Variants in FBXW2 observed in about 807,000 individuals in gnomAD.
FBXW2 encodes F-box and WD repeat domain containing 2.
FBXW2 carries 12 observed loss-of-function variants against 46.0 expected under a neutral mutation model. The observed-to-expected ratio is 0.26, with a 90% confidence interval of 0.17 to 0.42. The LOEUF (loss-of-function observed/expected upper bound fraction) is 0.42. Among genes scored for constraint, FBXW2 ranks in the 10% least tolerant of loss-of-function variants. The pLI, the probability that FBXW2 is intolerant of heterozygous loss-of-function variation, is 1.00. For missense variants in FBXW2, 360 were observed against 537.0 expected (o/e 0.67, Z 3.26); for synonymous variants, 203 against 209.6 (o/e 0.97, Z 0.27).
chr9:120,782,094 G>A (rs767935478), intron 3 of FBXW2, among the ~76,000 whole-genome samples: 5 of 151,576 alleles, frequency 3.3e-5, no homozygotes, highest in Non-Finnish European at 7.4e-5. Context: ...ATCATGCTAA[G>A]TGAACTAAGC....
intron 7 of FBXW2, among the ~76,000 whole-genome samples, chr9:120,770,056 G>A (rs1459160618): frequency 6.6e-6 from 1 of 152,140 alleles, no homozygotes; most frequent in Non-Finnish European, 1.5e-5. Flanking sequence ...AGATCCACAC[G>A]AGCTGACCTC....
Position 120,787,818 on chromosome 9 carries a change from G to A in FBXW2, c.441C>T (p.His147=). The A allele has an allele frequency of 6.2e-7, 1 of 1,614,172 alleles. No individual in the cohort carries two copies. The highest frequency in any genetic ancestry group is 8.5e-7 in the Non-Finnish European group (1 of 1,180,014). Residue 147 remains histidine, a synonymous_variant, in exon 3 of 8, where the codon CAC becomes CAT. Transcript: ENST00000608872. ...EAFETSSLIG[H]SARVYALYYK... ...AGTAAAGTGCATACACTCTGGCACTGTGTCCAATTAATGACGAGGTTTCAA... is the reference window on the plus strand; with the variant it reads ...AGTAAAGTGCATACACTCTGGCACTATGTCCAATTAATGACGAGGTTTCAA...
intron 2 of FBXW2, chr9:120,792,801 G>A (rs1367872243): frequency 1.7e-6 from 2 of 1,156,032 alleles, no homozygotes; most frequent in Non-Finnish European, 2.3e-6. Context: ...CACGCTGTAA[G>A]CCTACAGTAA....
At chr9:120,785,561 T>A (rs2044702209) in intron 3 of FBXW2, among the ~76,000 whole-genome samples, 2 of 152,168 alleles carry the variant, frequency 1.3e-5, no homozygotes, top group Admixed American at 1.3e-4. Context: ...CACCACATAA[T>A]ACATACCCTT....
At chr9:120,790,490 GA>G (rs938317108) in intron 2 of FBXW2, among the ~76,000 whole-genome samples, 1 of 150,622 alleles carries the variant, frequency 6.6e-6, no homozygotes, top group Non-Finnish European at 1.5e-5. Context: ...TCTCAAAAAA[GA>G]AAAAAAAGAA....
At chr9:120,786,018 CAAAAAAAAAAAAAAAA>C (rs3047150) in intron 3 of FBXW2, among the ~76,000 whole-genome samples, 2 of 40,548 alleles carry the variant, frequency 4.9e-5, no homozygotes, top group Non-Finnish European at 9.2e-5. Flanking sequence ...GACTCCATCT[CAAAAAAAAAAAAAAAA>C]AAAAAAAAAG....
At position 120,793,374 on chromosome 9, in the gene FBXW2, C is replaced by A. The variant is rs1283033229; in HGVS notation, c.-150G>T. 3 of 400,880 alleles carry A rather than the reference C, an allele frequency of 7.5e-6. No individual in the cohort carries two copies. Among genetic ancestry groups the A allele is most frequent in the Non-Finnish European group, 1.3e-5 (3 of 227,514 alleles). The allele number at this position is 400,880 out of a possible 1,614,324, so 24.8% of individuals were successfully genotyped here. A position where few individuals can be genotyped will look rare whatever the true frequency, so the allele number is the denominator to read the frequency against. The stretch of plus-strand genomic sequence containing the variant: ...CAGACCCGGACCTGCGGCCGCTGCT[C>A]CCGGTCCGCAGCCTCACAGGGGAGC... On this transcript the variant is annotated 5_prime_UTR_variant, in exon 1 of 8. Coordinates refer to ENST00000608872, the MANE Select transcript of FBXW2 (RefSeq NM_012164.4).
intron 2 of FBXW2, among the ~76,000 whole-genome samples, chr9:120,789,661 A>C (rs2044794569): frequency 6.6e-6 from 1 of 152,256 alleles, no homozygotes; most frequent in Non-Finnish European, 1.5e-5. Context: ...TAATGTGAAA[A>C]AGGAAAGTTA....
intron 4 of FBXW2, among the ~76,000 whole-genome samples, chr9:120,777,909 A>C (rs2044532039): frequency 6.6e-6 from 1 of 152,054 alleles, no homozygotes; most frequent in Non-Finnish European, 1.5e-5. Context: ...ATCTGTGTAG[A>C]CCACACAATC....
At chr9:120,776,333 A>T (rs1017052852) in intron 4 of FBXW2, 107 bp from the exon 5 acceptor site, 1 of 1,272,026 alleles carries the variant, frequency 7.9e-7, no homozygotes. Context: ...TCCCAACCAG[A>T]GACACCGTAA....
At chr9:120,776,346 A>G in intron 4 of FBXW2, 120 bp from the exon 5 acceptor site, 1 of 1,132,506 alleles carries the variant, frequency 8.8e-7, no homozygotes, top group Non-Finnish European at 1.2e-6. Flanking sequence ...CACCGTAAGA[A>G]TGATGCTATT....
chr9:120,764,824 G>T lies in FBXW2; in HGVS notation c.1100C>A (p.Ala367Glu). Residue 367 changes from alanine to glutamate, a missense_variant, in exon 8 of 8, where the codon GCA becomes GAA. Ala to Glu is a moderately radical substitution (Grantham distance 107, BLOSUM62 -1). Coordinates refer to ENST00000608872, the MANE Select transcript of FBXW2 (RefSeq NM_012164.4). Reference protein sequence around the residue: ...ILRVIKTPEIANLALLGFGDI... With the variant: ...ILRVIKTPEIENLALLGFGDI... The stretch of plus-strand genomic sequence containing the variant: ...TCCAAAGCCAAGCAAGGCCAAGTTT[G>T]CTATCTCAGGAGTCTTGATGACCCT... 1 of 1,593,296 alleles carries T rather than the reference G, an allele frequency of 6.3e-7. No individual in the cohort carries two copies. The highest frequency in any genetic ancestry group is 1.7e-5 in the Admixed American group (1 of 59,020).
rs1309876959 is a variant in FBXW2, at chr9:120,778,481, C to A, written c.555G>T (p.Gln185His). 27 of 1,614,044 alleles carry A rather than the reference C, an allele frequency of 1.7e-5. No homozygotes were observed. The highest frequency in any genetic ancestry group is 2.1e-5 in the Non-Finnish European group (25 of 1,180,042). Residue 185 changes from glutamine to histidine, a missense_variant, in exon 4 of 8, where the codon CAG (glutamine) becomes CAT (histidine). Gln to His is a conservative substitution (Grantham distance 24). Coordinates refer to ENST00000608872, the MANE Select transcript of FBXW2 (RefSeq NM_012164.4). ...ACTTCACCGCTGCACAAGTGTGGGT[C>A]TGGATGCCATAAACGCACTGCCCTG... Reference protein sequence around the residue: ...VSTGQCVYGIQTHTCAAVKFD... With the variant: ...VSTGQCVYGIHTHTCAAVKFD...
intron 3 of FBXW2, among the ~76,000 whole-genome samples, chr9:120,784,777 G>A (rs1022947941): frequency 3.3e-5 from 5 of 151,676 alleles, no homozygotes; most frequent in South Asian, 2.1e-4. Context: ...AAAATTAGCC[G>A]GGCTGTGGTG....
chr9:120,780,231 G>A (rs367604460), intron 3 of FBXW2, among the ~76,000 whole-genome samples: 6 of 151,732 alleles, frequency 4.0e-5, no homozygotes, highest in East Asian at 1.9e-4. Flanking sequence ...GATGGCGTAC[G>A]CCTGTAGTCC....
At chr9:120,782,282 A>G (rs1390750466) in intron 3 of FBXW2, among the ~76,000 whole-genome samples, 2 of 151,426 alleles carry the variant, frequency 1.3e-5, no homozygotes, top group Non-Finnish European at 2.9e-5. Context: ...CCTGGCCAAC[A>G]CGTTGAAACC....
rs905002542 is a variant in FBXW2 at position 120,793,203 on chromosome 9, A to C, written c.-75T>G. ...CGCGCCGGGTTCACAGCTACTAGGC[A>C]CGCTCGGACCGCCAGAGCCTTGCAG... is the stretch of plus-strand genomic sequence containing the variant. On this transcript the variant is annotated 5_prime_UTR_variant, in exon 2 of 8. Coordinates refer to ENST00000608872, the MANE Select transcript of FBXW2 (RefSeq NM_012164.4). 1.1e-5 allele frequency: 6 copies of C among 557,212 alleles called. No individual in the cohort carries two copies. The highest frequency in any genetic ancestry group is 1.9e-5 in the Non-Finnish European group (6 of 315,642). 34.5% of individuals were successfully genotyped at this position (557,212 alleles called of 1,614,324 possible). A position where few individuals can be genotyped will look rare whatever the true frequency, so the allele number is the denominator to read the frequency against.
Position 120,776,153 on chromosome 9 carries a change from C to G in FBXW2, c.759G>C (p.Trp253Cys). The G allele has an allele frequency of 6.2e-7, 1 of 1,614,080 alleles. No individual in the cohort carries two copies. Among genetic ancestry groups the G allele is most frequent in the Non-Finnish European group, 8.5e-7 (1 of 1,180,020 alleles). ...TCAGGCATGTCCCAGCAGATAAAGC[C>G]CATACTTTCACAGTGAAGTCTGCAG... ...SGSADFTVKV[W>C]ALSAGTCLNT... Residue 253 changes from tryptophan to cysteine, a missense_variant, in exon 5 of 8, where the codon TGG (tryptophan) becomes TGC (cysteine). Transcript: ENST00000608872.
chr9:120,765,365 G>A (rs1433201057), intron 7 of FBXW2, among the ~76,000 whole-genome samples: 1 of 152,186 alleles, frequency 6.6e-6, no homozygotes, highest in African/African-American at 2.4e-5. Context: ...AAAGTGCTGG[G>A]ATTACAGGCG....
Sources: allele counts gnomAD v4.1 joint callset (sites outside exome capture counted in the v4.1 genomes callset), GRCh38; gene constraint gnomAD v4.1.1; transcripts MANE v1.5; gene names NCBI Gene and HGNC (gene_info 2026-07-23, HGNC 2026-07-21).